COL26A1: variants seen among roughly 807,000 people sequenced by gnomAD.
COL26A1 encodes collagen type XXVI alpha 1 chain.
Under a neutral mutation model 59.3 loss-of-function variants are expected in COL26A1, and 41 were observed. The ratio of observed to expected loss-of-function variants is 0.69; its 90% confidence interval spans 0.54 to 0.90. COL26A1 has a LOEUF of 0.90. Ranked by LOEUF, COL26A1 falls within the 40% of genes least tolerant of loss-of-function variation. The pLI is 0.00. For missense variants in COL26A1, 612 were observed against 602.3 expected, an observed-to-expected ratio of 1.02 and a Z score of -0.17; for synonymous variants, 266 against 256.0, an observed-to-expected ratio of 1.04 and a Z score of -0.37.
chr7:101,488,225 G>A, intron 3 of COL26A1, among the ~76,000 whole-genome samples: 1 of 150,264 alleles, frequency 6.7e-6, no homozygotes, highest in South Asian at 2.1e-4. Context: ...AGGTTGCAGT[G>A]AGCTAAGATC....
chr7:101,502,088 G>T (rs1177699760), intron 3 of COL26A1, among the ~76,000 whole-genome samples: 4 of 152,204 alleles, frequency 2.6e-5, no homozygotes, highest in African/African-American at 9.7e-5. Flanking sequence ...GGTGGCTGAC[G>T]CCTATAATCC....
At chr7:101,482,049 C>G (rs1438918050) in intron 3 of COL26A1, among the ~76,000 whole-genome samples, 2 of 151,308 alleles carry the variant, frequency 1.3e-5, no homozygotes, top group African/African-American at 2.4e-5. Flanking sequence ...CCAAGTCTCA[C>G]TCTGTCACCC....
At chr7:101,456,750 A>G (rs1025755763) in intron 3 of COL26A1, among the ~76,000 whole-genome samples, 6 of 152,186 alleles carry the variant, frequency 3.9e-5, no homozygotes, top group African/African-American at 1.4e-4. Context: ...TCCTGGTTTC[A>G]ATCTATCCTC....
intron 3 of COL26A1, among the ~76,000 whole-genome samples, chr7:101,464,476 G>A (rs539563148): frequency 3.2e-4 from 48 of 151,652 alleles, no homozygotes; most frequent in Non-Finnish European, 6.0e-4. Context: ...GCAATGGCGC[G>A]ATCTCAGCTC....
At chr7:101,404,256 C>T (rs142196609) in intron 1 of COL26A1, among the ~76,000 whole-genome samples, 67 of 152,300 alleles carry the variant, frequency 4.4e-4, no homozygotes, top group African/African-American at 1.5e-3. Flanking sequence ...TGCAGCCACT[C>T]ACTTCTCAAT....
intron 1 of COL26A1, among the ~76,000 whole-genome samples, chr7:101,369,584 G>A (rs545083148): frequency 2.0e-3 from 296 of 150,056 alleles, no homozygotes; most frequent in African/African-American, 6.9e-3. Context: ...GAGTAGCTGG[G>A]ACTATAATCA....
chr7:101,491,424 A>C (rs1042710175), intron 3 of COL26A1, among the ~76,000 whole-genome samples: 6 of 152,146 alleles, frequency 3.9e-5, no homozygotes, highest in African/African-American at 1.2e-4. Context: ...ACCCCAAGAG[A>C]GGGTTCTTGG....
intron 3 of COL26A1, among the ~76,000 whole-genome samples, chr7:101,507,792 A>G (rs1323945159): frequency 6.6e-6 from 1 of 151,938 alleles, no homozygotes; most frequent in Non-Finnish European, 1.5e-5. Context: ...CACCAAGAGC[A>G]AGCAGAAATC....
Position 101,533,076 on chromosome 7 carries a change from T to G in COL26A1, c.386-6T>G. 1 of 1,602,464 alleles carries G rather than the reference T, an allele frequency of 6.2e-7. No individual in the cohort carries two copies. The highest frequency in any genetic ancestry group is 8.5e-7 in the Non-Finnish European group (1 of 1,175,242). ...TGCTCTCATATAAGTTCCTCTTCTCTTTCAGAATGCATGAACTGCACCCGG... is the reference window on the plus strand; with the variant it reads ...TGCTCTCATATAAGTTCCTCTTCTCGTTCAGAATGCATGAACTGCACCCGG... On this transcript the variant is annotated splice_polypyrimidine_tract_variant and splice_region_variant and intron_variant, in intron 3 of 12. Coordinates refer to ENST00000313669, the MANE Select transcript of COL26A1 (RefSeq NM_001278563.3).
intron 3 of COL26A1, among the ~76,000 whole-genome samples, chr7:101,525,502 G>GTTT (rs745987435): frequency 8.5e-6 from 1 of 116,976 alleles, no homozygotes; most frequent in Non-Finnish European, 1.8e-5. Context: ...TGTTTTTTTG[G>GTTT]TTTTTTTTTT....
chr7:101,464,083 A>T (rs1272122893), intron 3 of COL26A1, among the ~76,000 whole-genome samples: 1 of 151,484 alleles, frequency 6.6e-6, no homozygotes, highest in African/African-American at 2.4e-5. Flanking sequence ...CTCCTACCGT[A>T]GTCTCCCAAG....
At chr7:101,399,640 A>G (rs757650251) in intron 1 of COL26A1, among the ~76,000 whole-genome samples, 1 of 151,550 alleles carries the variant, frequency 6.6e-6, no homozygotes, top group Non-Finnish European at 1.5e-5. Context: ...TGTATTTTTA[A>G]TAGAGACAGA....
chr7:101,501,346 C>T (rs1794703815), intron 3 of COL26A1, among the ~76,000 whole-genome samples: 1 of 152,152 alleles, frequency 6.6e-6, no homozygotes, highest in African/African-American at 2.4e-5. Flanking sequence ...CATGTCGGCC[C>T]CAGGCCTCTT....
intron 2 of COL26A1, among the ~76,000 whole-genome samples, chr7:101,429,392 G>A (rs1290869694): frequency 2.0e-4 from 30 of 151,732 alleles, no homozygotes; most frequent in Admixed American, 2.0e-3. Context: ...CTCCTTTATT[G>A]AATTGCTTTT....
At chr7:101,523,881 CA>C (rs916997746) in intron 3 of COL26A1, among the ~76,000 whole-genome samples, 18 of 145,702 alleles carry the variant, frequency 1.2e-4, no homozygotes, top group East Asian at 2.0e-4. Flanking sequence ...CAATTTCCAC[CA>C]AAAAAAAAAG....
At chr7:101,487,638 C>T (rs866809550) in intron 3 of COL26A1, among the ~76,000 whole-genome samples, 41 of 152,266 alleles carry the variant, frequency 2.7e-4, no homozygotes, top group Middle Eastern at 3.4e-3. Flanking sequence ...TCTGAGATGC[C>T]GCGCTCCTGT....
Position 101,551,155 on chromosome 7 carries a change from C to A in COL26A1, c.1029+12C>A, listed in dbSNP as rs1292379498. ...CAGTGGGGCCGTCCGTAAGTGTGGG[C>A]TGTGCAGATGGGCCTGGGCCACTCC... is the stretch of plus-strand genomic sequence containing the variant. On this transcript the variant is annotated intron_variant, in intron 10 of 12. Coordinates refer to ENST00000313669, the MANE Select transcript of COL26A1 (RefSeq NM_001278563.3). 6.9e-7 allele frequency: 1 copy of A among 1,450,186 alleles called. No homozygotes were observed. The highest frequency in any genetic ancestry group is 9.1e-7 in the Non-Finnish European group (1 of 1,093,132). 89.8% of individuals were successfully genotyped at this position (1,450,186 alleles called of 1,614,324 possible).
At chr7:101,543,292 C>A (rs1168313163) in intron 5 of COL26A1, among the ~76,000 whole-genome samples, 1 of 152,096 alleles carries the variant, frequency 6.6e-6, no homozygotes, top group Non-Finnish European at 1.5e-5. Flanking sequence ...ACCTCAACGT[C>A]CCCAGTAGCT....
At chr7:101,365,252 AGC>A (rs924773779) in intron 1 of COL26A1, among the ~76,000 whole-genome samples, 20 of 152,248 alleles carry the variant, frequency 1.3e-4, no homozygotes, top group African/African-American at 4.8e-4. Context: ...TAATATATAC[AGC>A]ACGATTTCAT....
Sources: gnomAD v4.1 joint callset for allele counts (sites outside exome capture counted in the v4.1 genomes callset) on GRCh38, gnomAD v4.1.1 for gene constraint, MANE v1.5 for transcripts, NCBI Gene and HGNC (gene_info 2026-07-23, HGNC 2026-07-21) for gene names.